Variants in MYRFL observed in about 807,000 individuals in gnomAD.
MYRFL encodes the protein myelin regulatory factor like.
A neutral mutation model predicts 109.4 loss-of-function variants in MYRFL; 88 were observed. That is an observed-to-expected ratio of 0.80 (90% CI 0.68 to 0.96). The LOEUF is 0.96. Ranked by LOEUF, MYRFL falls within the 40% of genes least tolerant of loss-of-function variation. The probability of loss-of-function intolerance (pLI) is 0.00; values close to 1 mark genes in which losing one functional copy is unlikely to be tolerated. For synonymous variants in MYRFL, 324 were observed against 320.9 expected (o/e 1.01, Z -0.10); for missense variants, 957 against 954.9 (o/e 1.00, Z -0.03).
At chr12:69,871,171 C>A (rs1198399730) in intron 2 of MYRFL, among the ~76,000 whole-genome samples, 1 of 152,000 alleles carries the variant, frequency 6.6e-6, no homozygotes, top group Non-Finnish European at 1.5e-5. Context: ...CCCTGCTCTA[C>A]CCCTGTCTTT....
intron 19 of MYRFL, among the ~76,000 whole-genome samples, chr12:69,940,440 T>G (rs1308864423): frequency 6.7e-6 from 1 of 149,478 alleles, no homozygotes; most frequent in Non-Finnish European, 1.5e-5. Flanking sequence ...GAATTTCATA[T>G]CCAGCCAAAC....
intron 5 of MYRFL, 90 bp downstream of exon 5, chr12:69,880,382 A>C (rs1885998462): frequency 6.4e-6 from 4 of 624,422 alleles, no homozygotes; most frequent in African/African-American, 1.8e-5. Context: ...GCAGCCCTGC[A>C]AAAGTTTCCC....
At chr12:69,887,369 C>G (rs1230012431) in intron 6 of MYRFL, among the ~76,000 whole-genome samples, 1 of 152,118 alleles carries the variant, frequency 6.6e-6, no homozygotes, top group East Asian at 1.9e-4. Context: ...CAATGACCAC[C>G]CCCCACGTAT....
chr12:69,829,936 T>C (rs985509254), intron 1 of MYRFL, among the ~76,000 whole-genome samples: 5 of 151,730 alleles, frequency 3.3e-5, no homozygotes, highest in Non-Finnish European at 7.4e-5. Context: ...GGGTAAAGAG[T>C]ATCTCTGGCC....
intron 2 of MYRFL, among the ~76,000 whole-genome samples, chr12:69,861,455 T>C (rs1377476426): frequency 2.0e-5 from 3 of 152,204 alleles, no homozygotes; most frequent in Non-Finnish European, 2.9e-5. Context: ...TGGTGTGAGA[T>C]GGTATCTCAT....
intron 10 of MYRFL, among the ~76,000 whole-genome samples, chr12:69,898,773 C>G (rs962195218): frequency 3.9e-5 from 6 of 152,176 alleles, no homozygotes; most frequent in African/African-American, 1.4e-4. Flanking sequence ...GAATAATTTA[C>G]CTAGTGACAA....
At position 69,903,249 on chromosome 12, in the gene MYRFL, G is replaced by A. The variant is rs369185446; in HGVS notation, c.1183-395G>A. Among the ~76,000 whole-genome samples the A allele has an allele frequency of 2.0e-5, 3 of 152,152 alleles. No homozygotes were observed. In the East Asian group the frequency reaches 5.8e-4, roughly 29 times the overall value. On this transcript the variant is annotated intron_variant, in intron 10 of 24. Coordinates refer to ENST00000552032, the MANE Select transcript of MYRFL (RefSeq NM_182530.3). ...AGGTATTTTTATTTATCTGACTTTA[G>A]TACACCTGTAATATTTTCTGATATA...
intron 1 of MYRFL, among the ~76,000 whole-genome samples, chr12:69,849,906 A>G (rs1328141526): frequency 6.6e-6 from 1 of 152,174 alleles, no homozygotes; most frequent in Non-Finnish European, 1.5e-5. Context: ...CTACAGATAG[A>G]AGGATATGTG....
intron 2 of MYRFL, among the ~76,000 whole-genome samples, chr12:69,860,098 C>A (rs1008590566): frequency 2.8e-4 from 42 of 152,092 alleles, no homozygotes; most frequent in African/African-American, 1.0e-3. Context: ...TCCATCTGCC[C>A]CCAACACCTG....
At chr12:69,828,826 G>A (rs539759566) in intron 1 of MYRFL, among the ~76,000 whole-genome samples, 1 of 152,004 alleles carries the variant, frequency 6.6e-6, no homozygotes, top group East Asian at 1.9e-4. Context: ...TGATATCAGA[G>A]GACTCATTAT....
At chr12:69,938,855 G>A (rs571816816) in intron 19 of MYRFL, among the ~76,000 whole-genome samples, 9 of 152,280 alleles carry the variant, frequency 5.9e-5, no homozygotes, top group African/African-American at 2.2e-4. Context: ...GCGAGCCGAA[G>A]CAGGGCGAGG....
At chr12:69,895,864 A>G (rs1953976807) in intron 9 of MYRFL, among the ~76,000 whole-genome samples, 1 of 152,238 alleles carries the variant, frequency 6.6e-6, no homozygotes, top group Admixed American at 6.5e-5. Flanking sequence ...TGATTAAAAA[A>G]GAAAATAACT....
At chr12:69,954,521 G>C (rs966123753) in intron 21 of MYRFL, among the ~76,000 whole-genome samples, 3 of 152,090 alleles carry the variant, frequency 2.0e-5, no homozygotes, top group Non-Finnish European at 2.9e-5. Flanking sequence ...GATGTATAAT[G>C]TTTCGTTTTG....
At chr12:69,864,890 A>G (rs913004335) in intron 2 of MYRFL, among the ~76,000 whole-genome samples, 5 of 152,194 alleles carry the variant, frequency 3.3e-5, no homozygotes, top group African/African-American at 1.2e-4. Context: ...CAAAAGTTGT[A>G]TGGTCTCTCT....
chr12:69,839,026 G>A (rs1302293887), intron 1 of MYRFL, among the ~76,000 whole-genome samples: 1 of 152,162 alleles, frequency 6.6e-6, no homozygotes, highest in Admixed American at 6.5e-5. Context: ...TACCCTGAGT[G>A]ATTCCTAAGT....
chr12:69,837,940 G>T (rs552722411), intron 1 of MYRFL, among the ~76,000 whole-genome samples: 1 of 152,064 alleles, frequency 6.6e-6, no homozygotes, highest in Non-Finnish European at 1.5e-5. Context: ...CCTAGGGACT[G>T]GTACATAGCA....
At chr12:69,903,984 T>C (rs1299752997) in intron 11 of MYRFL, 140 bp downstream of exon 11, 2 of 725,026 alleles carry the variant, frequency 2.8e-6, no homozygotes, top group Non-Finnish European at 4.2e-6. Context: ...TGCTTAAAAA[T>C]GATGACTGAG....
At chr12:69,840,536 T>C (rs1006838741) in intron 1 of MYRFL, among the ~76,000 whole-genome samples, 2 of 152,248 alleles carry the variant, frequency 1.3e-5, no homozygotes, top group African/African-American at 4.8e-5. Flanking sequence ...GACTTCCCTG[T>C]GCTCCCCTCT....
At chr12:69,927,215 G>T (rs1398941888) in intron 14 of MYRFL, among the ~76,000 whole-genome samples, 1 of 151,998 alleles carries the variant, frequency 6.6e-6, no homozygotes, top group African/African-American at 2.4e-5. Context: ...AAAGTGCTGG[G>T]ATTATAGGCG....
Sources: gnomAD v4.1 joint callset for allele counts (sites outside exome capture counted in the v4.1 genomes callset) on GRCh38, gnomAD v4.1.1 for gene constraint, MANE v1.5 for transcripts, NCBI Gene and HGNC (gene_info 2026-07-23, HGNC 2026-07-21) for gene names.